Variants in NOPCHAP1 observed in about 807,000 individuals in gnomAD.
NOPCHAP1 encodes NOP protein chaperone 1, also known as DNA damage-sensitive RNA 1.
A neutral mutation model predicts 14.0 loss-of-function variants in NOPCHAP1; 13 were observed. The observed-to-expected ratio is 0.93, with a 90% confidence interval of 0.60 to 1.47. The LOEUF (loss-of-function observed/expected upper bound fraction) is 1.47. Ranked by LOEUF, NOPCHAP1 falls within the 40% of genes most tolerant of loss-of-function variation. The probability of loss-of-function intolerance (pLI) is 0.00; values close to 1 mark genes in which losing one functional copy is unlikely to be tolerated. For synonymous variants in NOPCHAP1, 78 were observed against 78.4 expected, an observed-to-expected ratio of 1.00 and a Z score of 0.03; for missense variants, 230 against 226.9, an observed-to-expected ratio of 1.01 and a Z score of -0.09.
rs1873619944 is a variant in NOPCHAP1 at position 105,002,040 on chromosome 12, A to G, written c.*7344A>G. 6.6e-6 allele frequency: 1 copy of G among 152,110 alleles called. No homozygotes were observed. The highest frequency in any genetic ancestry group is 2.4e-5 in the African/African-American group (1 of 41,398). 9.4% of individuals were successfully genotyped at this position (152,110 alleles called of 1,614,324 possible). A position where few individuals can be genotyped will look rare whatever the true frequency, so the allele number is the denominator to read the frequency against. On this transcript the variant is annotated 3_prime_UTR_variant, in exon 4 of 4. Transcript: ENST00000552951. ...ACCTTGTGGACTCATTCTAGTGGGG[A>G]AATAGTATGGCCCCAAGGAAGGAGG...
At position 105,012,867 on chromosome 12, in the gene NOPCHAP1, A is replaced by G. The variant is rs1873860771; in HGVS notation, c.*18171A>G. 2 of 152,578 alleles carry G rather than the reference A, an allele frequency of 1.3e-5. No homozygotes were observed. The highest frequency in any genetic ancestry group is 1.5e-5 in the Non-Finnish European group (1 of 68,372). 9.5% of individuals were successfully genotyped at this position (152,578 alleles called of 1,614,324 possible). On this transcript the variant is annotated 3_prime_UTR_variant, in exon 4 of 4. Transcript: ENST00000552951. ...TTCCTTCCTCTGGAAGCTTCCTCCC[A>G]GAGGGTCACCCGCTAGATGCCAGCT...
rs151332291 is a variant in NOPCHAP1 at position 104,998,896 on chromosome 12, A to G, written c.*4200A>G. 7.6e-3 allele frequency: 1,165 copies of G among 152,856 alleles called. 5 individuals are homozygous for G. Among genetic ancestry groups the G allele is most frequent in the Non-Finnish European group, 0.012 (823 of 68,476 alleles). The allele number at this position is 152,856 out of a possible 1,614,324, so 9.5% of individuals were successfully genotyped here. On this transcript the variant is annotated 3_prime_UTR_variant, in exon 4 of 4. Coordinates refer to ENST00000552951, the MANE Select transcript of NOPCHAP1 (RefSeq NM_152318.3). ...TGGTCTCCATGCATAGTTTCACACC[A>G]CTGGCAGTGTTGACACAGGGGCAGG...
In NOPCHAP1 at chr12:105,000,545, G is replaced by A. The variant is rs1362109346; in HGVS notation, c.*5849G>A. The A allele has an allele frequency of 2.0e-5, 3 of 152,142 alleles. No homozygotes were observed. Among genetic ancestry groups the A allele is most frequent in the Non-Finnish European group, 2.9e-5 (2 of 68,026 alleles). The allele number at this position is 152,142 out of a possible 1,614,324, so 9.4% of individuals were successfully genotyped here. On this transcript the variant is annotated 3_prime_UTR_variant, in exon 4 of 4. Coordinates refer to ENST00000552951, the MANE Select transcript of NOPCHAP1 (RefSeq NM_152318.3). ...TAGGAAATAAGGGAAAAAGAAAAGG[G>A]ACATAGTTATCATGATGACAGAGAA...
rs1873521232 is a variant in NOPCHAP1, at chr12:104,997,428, C to T, written c.*2732C>T. The T allele has an allele frequency of 6.6e-6, 1 of 152,196 alleles. No homozygotes were observed. Among genetic ancestry groups the T allele is most frequent in the South Asian group, 2.1e-4 (1 of 4,832 alleles). 9.4% of individuals were successfully genotyped at this position (152,196 alleles called of 1,614,324 possible). A position where few individuals can be genotyped will look rare whatever the true frequency, so the allele number is the denominator to read the frequency against. Reference sequence around the variant, plus strand: ...GAGGGTGTGGCACACCAGCATGGCACATGTATACATATGTAACTAACCAGC... The same window carrying T: ...GAGGGTGTGGCACACCAGCATGGCATATGTATACATATGTAACTAACCAGC... On this transcript the variant is annotated 3_prime_UTR_variant, in exon 4 of 4. Coordinates refer to ENST00000552951, the MANE Select transcript of NOPCHAP1 (RefSeq NM_152318.3).
intron 2 of NOPCHAP1, among the ~76,000 whole-genome samples, chr12:104,989,740 A>G (rs527811036): frequency 2.7e-4 from 41 of 152,164 alleles, no homozygotes; most frequent in Admixed American, 4.6e-4. Context: ...AAGGGACTCC[A>G]ATGACACCTA....
Position 105,000,328 on chromosome 12 carries a change from T to C in NOPCHAP1, c.*5632T>C, listed in dbSNP as rs1308634012. 2.6e-5 allele frequency: 4 copies of C among 152,138 alleles called. No homozygotes were observed. 9.4% of individuals were successfully genotyped at this position (152,138 alleles called of 1,614,324 possible). ...AGGATTGCTTTCTCTTCCTTTGGGG[T>C]TTCAGGGTAATTCTCTTCGGGAACT... is the stretch of plus-strand genomic sequence containing the variant. On this transcript the variant is annotated 3_prime_UTR_variant, in exon 4 of 4. Transcript: ENST00000552951.
In NOPCHAP1 at chr12:104,998,337, T is replaced by C. The variant is rs1873537476; in HGVS notation, c.*3641T>C. The C allele has an allele frequency of 6.6e-6, 1 of 152,270 alleles. No individual in the cohort carries two copies. Among genetic ancestry groups the C allele is most frequent in the Non-Finnish European group, 1.5e-5 (1 of 68,058 alleles). The allele number at this position is 152,270 out of a possible 1,614,324, so 9.4% of individuals were successfully genotyped here. On this transcript the variant is annotated 3_prime_UTR_variant, in exon 4 of 4. Coordinates refer to ENST00000552951, the MANE Select transcript of NOPCHAP1 (RefSeq NM_152318.3). ...TGGGCTCATGTCGCTGAAGTTGCTA[T>C]CCTTTGGATGATTTTTTTTCTTTTA...
rs1873688948 is a variant in NOPCHAP1, at chr12:105,005,510, GGTGAA to G, written c.*10822_*10826del. The G allele has an allele frequency of 6.6e-6, 1 of 152,188 alleles. No individual in the cohort carries two copies. Among genetic ancestry groups the G allele is most frequent in the Admixed American group, 6.5e-5 (1 of 15,272 alleles). The allele number at this position is 152,188 out of a possible 1,614,324, so 9.4% of individuals were successfully genotyped here. A position where few individuals can be genotyped will look rare whatever the true frequency, so the allele number is the denominator to read the frequency against. ...TGCAAACATCTGATTGGTTGTGGAA[GGTGAA>G]GTGAAGTTACAAAGTTGTAACCCTG... On this transcript the variant is annotated 3_prime_UTR_variant, in exon 4 of 4. Transcript: ENST00000552951.
At position 105,015,991 on chromosome 12, in the gene NOPCHAP1, T is replaced by G. The variant is rs1480253529; in HGVS notation, c.*21295T>G. 2 of 142,838 alleles carry G rather than the reference T, an allele frequency of 1.4e-5. No individual in the cohort carries two copies. The highest frequency in any genetic ancestry group is 6.8e-5 in the Admixed American group (1 of 14,672). The allele number at this position is 142,838 out of a possible 1,614,324, so 8.8% of individuals were successfully genotyped here. A position where few individuals can be genotyped will look rare whatever the true frequency, so the allele number is the denominator to read the frequency against. On this transcript the variant is annotated 3_prime_UTR_variant, in exon 4 of 4. Transcript: ENST00000552951. ...TAGTAAAATAGTCAAGAAAGGTTTT[T>G]TTTTTTTTTTTTAAAAAGCATAACA... is the stretch of plus-strand genomic sequence containing the variant.
In NOPCHAP1 at chr12:104,986,379, T is replaced by C. The variant is rs1427630848; in HGVS notation, c.27T>C (p.Ala9=). ...TGGAGGTCCATGGCAAGCCCAAGGC[T>C]AGCCCGAGTTGTTCGTCGCCCACCC... MEVHGKPK[A]SPSCSSPTRD... Residue 9 remains alanine (A), a synonymous_variant, in exon 1 of 4, where the codon GCT becomes GCC. Transcript: ENST00000552951. The C allele has an allele frequency of 3.7e-6, 6 of 1,611,250 alleles. No individual in the cohort carries two copies. The highest frequency in any genetic ancestry group is 2.2e-5 in the East Asian group (1 of 44,776).
Position 105,014,309 on chromosome 12 carries a change from G to A in NOPCHAP1, c.*19613G>A, listed in dbSNP as rs568060853. Reference sequence around the variant, plus strand: ...ATATTTTTTATGGTAGAAATGATGAGATAGACTGGTATCTACATATATTTA... The same window carrying A: ...ATATTTTTTATGGTAGAAATGATGAAATAGACTGGTATCTACATATATTTA... On this transcript the variant is annotated 3_prime_UTR_variant, in exon 4 of 4. Coordinates refer to ENST00000552951, the MANE Select transcript of NOPCHAP1 (RefSeq NM_152318.3). 6.6e-6 allele frequency: 1 copy of A among 152,116 alleles called. No individual in the cohort carries two copies. Among genetic ancestry groups the A allele is most frequent in the Non-Finnish European group, 1.5e-5 (1 of 68,020 alleles). 9.4% of individuals were successfully genotyped at this position (152,116 alleles called of 1,614,324 possible).
chr12:104,992,342 A>G (rs1264969402), intron 3 of NOPCHAP1, among the ~76,000 whole-genome samples: 1 of 152,268 alleles, frequency 6.6e-6, no homozygotes, highest in Non-Finnish European at 1.5e-5. Context: ...CTCTCCCTCC[A>G]GAATAGATCC....
chr12:104,988,237 G>A lies in NOPCHAP1; in HGVS notation c.186G>A (p.Arg62=). The change falls in exon 2 of 4, where the codon CGG becomes CGA. Residue 62 remains arginine, a synonymous_variant. Transcript: ENST00000552951. ...AGACCTCCACTCTTCAAACAGTTCG[G>A]ATAGAGAGGAGTCCCTGTAAGTACC... ...SRKTSTLQTV[R]IERSPLLDQV... 6.2e-7 allele frequency: 1 copy of A among 1,611,444 alleles called. No homozygotes were observed. Among genetic ancestry groups the A allele is most frequent in the African/African-American group, 1.3e-5 (1 of 74,994 alleles).
At position 105,011,630 on chromosome 12, in the gene NOPCHAP1, G is replaced by A. The variant is rs1873821492; in HGVS notation, c.*16934G>A. On this transcript the variant is annotated 3_prime_UTR_variant, in exon 4 of 4. Transcript: ENST00000552951. ...TATGTTTTTGCAGTGGCTAGTGCCAGTTTTTCCTTTCCATATTTAGTGCTG... is the reference window on the plus strand; with the variant it reads ...TATGTTTTTGCAGTGGCTAGTGCCAATTTTTCCTTTCCATATTTAGTGCTG... 6.6e-6 allele frequency: 1 copy of A among 152,184 alleles called. No individual in the cohort carries two copies. The highest frequency in any genetic ancestry group is 1.5e-5 in the Non-Finnish European group (1 of 68,024). 9.4% of individuals were successfully genotyped at this position (152,184 alleles called of 1,614,324 possible).
In NOPCHAP1 at chr12:105,014,778, T is replaced by C. The variant is rs1001195291; in HGVS notation, c.*20082T>C. On this transcript the variant is annotated 3_prime_UTR_variant, in exon 4 of 4. Coordinates refer to ENST00000552951, the MANE Select transcript of NOPCHAP1 (RefSeq NM_152318.3). Reference sequence around the variant, plus strand: ...AAAATAGGGACATCACAGCAAAATTTGGAGGGCATAGTACAAAGAAAGGCG... The same window carrying C: ...AAAATAGGGACATCACAGCAAAATTCGGAGGGCATAGTACAAAGAAAGGCG... 6.6e-6 allele frequency: 1 copy of C among 152,162 alleles called. No homozygotes were observed. Among genetic ancestry groups the C allele is most frequent in the Non-Finnish European group, 1.5e-5 (1 of 68,036 alleles). 9.4% of individuals were successfully genotyped at this position (152,162 alleles called of 1,614,324 possible). A position where few individuals can be genotyped will look rare whatever the true frequency, so the allele number is the denominator to read the frequency against.
chr12:105,012,380 A>G lies in NOPCHAP1; in HGVS notation c.*17684A>G, dbSNP rs1007548465. The G allele has an allele frequency of 6.6e-6, 1 of 152,066 alleles. No individual in the cohort carries two copies. Among genetic ancestry groups the G allele is most frequent in the Non-Finnish European group, 1.5e-5 (1 of 68,022 alleles). The allele number at this position is 152,066 out of a possible 1,614,324, so 9.4% of individuals were successfully genotyped here. A position where few individuals can be genotyped will look rare whatever the true frequency, so the allele number is the denominator to read the frequency against. On this transcript the variant is annotated 3_prime_UTR_variant, in exon 4 of 4. Transcript: ENST00000552951. ...TCTCAACTGGTTATTCTAGTTAGCA[A>G]TTTCTCTAATCTTTTTTCAAGGTTC...
rs1565938719 is a variant in NOPCHAP1 at position 104,991,760 on chromosome 12, A to C, written c.251A>C (p.Glu84Ala). The C allele has an allele frequency of 6.2e-7, 1 of 1,613,946 alleles. No homozygotes were observed. Among genetic ancestry groups the C allele is most frequent in the Non-Finnish European group, 8.5e-7 (1 of 1,179,974 alleles). The change falls in exon 3 of 4, where the codon GAA (glutamate) becomes GCA (alanine). Residue 84 changes from glutamate (E) to alanine (A), a missense_variant. By Grantham distance (107) the Glu-to-Ala change is moderately radical. Coordinates refer to ENST00000552951, the MANE Select transcript of NOPCHAP1 (RefSeq NM_152318.3). ...CTCCCACAGATGGCACGGGCAAATG[A>C]AAAGCTAAGAAAAGAAATGGCAGCT... ...TFLPQMARAN[E>A]KLRKEMAAAP...
chr12:105,006,082 C>T lies in NOPCHAP1; in HGVS notation c.*11386C>T, dbSNP rs2136031464. 6.6e-6 allele frequency: 1 copy of T among 152,332 alleles called. No homozygotes were observed. The highest frequency in any genetic ancestry group is 2.1e-4 in the South Asian group (1 of 4,828). The allele number at this position is 152,332 out of a possible 1,614,324, so 9.4% of individuals were successfully genotyped here. A position where few individuals can be genotyped will look rare whatever the true frequency, so the allele number is the denominator to read the frequency against. On this transcript the variant is annotated 3_prime_UTR_variant, in exon 4 of 4. Coordinates refer to ENST00000552951, the MANE Select transcript of NOPCHAP1 (RefSeq NM_152318.3). Reference sequence around the variant, plus strand: ...TTGAAACCCTTCACTCCACCTGCCCCACCTTTTTTGCCACATTCACAATCT... The same window carrying T: ...TTGAAACCCTTCACTCCACCTGCCCTACCTTTTTTGCCACATTCACAATCT...
rs1873730664 is a variant in NOPCHAP1, at chr12:105,007,495, A to G, written c.*12799A>G. ...TTATATGGTTCCTACCTATGGTGTT[A>G]TTCAAGGTTTACAATATTGCACTAA... On this transcript the variant is annotated 3_prime_UTR_variant, in exon 4 of 4. Transcript: ENST00000552951. 1 of 152,196 alleles carries G rather than the reference A, an allele frequency of 6.6e-6. No homozygotes were observed. Among genetic ancestry groups the G allele is most frequent in the African/African-American group, 2.4e-5 (1 of 41,444 alleles). The allele number at this position is 152,196 out of a possible 1,614,324, so 9.4% of individuals were successfully genotyped here. A position where few individuals can be genotyped will look rare whatever the true frequency, so the allele number is the denominator to read the frequency against.
Sources: gnomAD v4.1 joint callset for allele counts (sites outside exome capture counted in the v4.1 genomes callset) on GRCh38, gnomAD v4.1.1 for gene constraint, MANE v1.5 for transcripts, NCBI Gene and HGNC (gene_info 2026-07-23, HGNC 2026-07-21) for gene names.